Variants in RYR2 observed in about 807,000 individuals in gnomAD.
The protein encoded by RYR2 is ryanodine receptor 2, also known as cardiac muscle ryanodine receptor-calcium release channel.
RYR2 carries 227 observed loss-of-function variants against 601.1 expected under a neutral mutation model. The observed-to-expected ratio is 0.38, with a 90% CI of 0.34 to 0.42. The LOEUF is 0.42. RYR2 is among the 10% of genes least tolerant of loss of function. The pLI, the probability that RYR2 is intolerant of heterozygous loss-of-function variation, is 1.00. For missense variants in RYR2, 4,646 were observed against 6,156.5 expected, an observed-to-expected ratio of 0.75 and a Z score of 8.21; for synonymous variants, 2,223 against 2,175.1, an observed-to-expected ratio of 1.02 and a Z score of -0.61.
At chr1:237,742,250 T>A in intron 79 of RYR2, 46 bp from the exon 80 acceptor site, 1 of 1,308,528 alleles carries the variant, frequency 7.6e-7, no homozygotes, top group Non-Finnish European at 1.1e-6. Flanking sequence ...CTTTCTAAAA[T>A]CTCAACATAT....
intron 1 of RYR2, among the ~76,000 whole-genome samples, chr1:237,063,597 CA>C (rs1407159837): frequency 2.7e-3 from 399 of 147,674 alleles, no homozygotes; most frequent in African/African-American, 8.8e-3. Flanking sequence ...CACACACACA[CA>C]TACACACTCT....
At chr1:237,514,479 G>A (rs1466120780) in intron 24 of RYR2, among the ~76,000 whole-genome samples, 1 of 152,050 alleles carries the variant, frequency 6.6e-6, no homozygotes, top group African/African-American at 2.4e-5. Flanking sequence ...TTTTCTTATA[G>A]CTAGTTTATA....
chr1:237,503,226 G>A (rs554629227), intron 21 of RYR2, 63 bp from the exon 22 acceptor site: 1 of 1,429,632 alleles, frequency 7.0e-7, no homozygotes, highest in Non-Finnish European at 9.6e-7. Flanking sequence ...CTAAGATTTT[G>A]TGAATTAGAA....
intron 24 of RYR2, among the ~76,000 whole-genome samples, chr1:237,523,645 G>A (rs1667301694): frequency 6.6e-6 from 1 of 151,980 alleles, no homozygotes; most frequent in African/African-American, 2.4e-5. Flanking sequence ...ACTGAGGCAG[G>A]AGAATTGCTT....
chr1:237,778,699 C>T lies in RYR2; in HGVS notation c.11809C>T (p.His3937Tyr). The T allele has an allele frequency of 6.2e-7, 1 of 1,610,426 alleles. No homozygotes were observed. Among genetic ancestry groups the T allele is most frequent in the Admixed American group, 1.7e-5 (1 of 59,952 alleles). The change falls in exon 88 of 105, where the codon CAC (histidine) becomes TAC (tyrosine). Residue 3937 changes from histidine (H) to tyrosine (Y), a missense_variant. Physicochemically the swap from His to Tyr is moderately conservative, Grantham distance 83 (BLOSUM62 2). Coordinates refer to ENST00000366574, the MANE Select transcript of RYR2 (RefSeq NM_001035.3). ...PCTGNQQSLA[H>Y]SRLWDAVVGF... is the part of the protein sequence containing the mutation. ...CACTGGGAATCAACAGAGTTTGGCA[C>T]ACAGCAGGCTGTGGGATGCTGTGGT...
intron 1 of RYR2, among the ~76,000 whole-genome samples, chr1:237,113,898 A>G (rs1669771295): frequency 6.6e-6 from 1 of 152,210 alleles, no homozygotes. Context: ...GAAGTGAAGG[A>G]AATGAAGAAC....
chr1:237,742,164 C>A, intron 79 of RYR2, 132 bp from the exon 80 acceptor site: 1 of 656,742 alleles, frequency 1.5e-6, no homozygotes, highest in African/African-American at 1.8e-5. Flanking sequence ...AGCATTCTAT[C>A]TTACATGTGT....
intron 26 of RYR2, 131 bp from the exon 27 acceptor site, chr1:237,550,413 T>G (rs1330533223): frequency 1.0e-6 from 1 of 968,326 alleles, no homozygotes; most frequent in Non-Finnish European, 1.5e-6. Context: ...CTTTGCAGCC[T>G]GGGAAGACGC....
At chr1:237,311,125 A>G (rs12071287) in intron 2 of RYR2, among the ~76,000 whole-genome samples, 2,127 of 152,308 alleles carry the variant, frequency 0.014, 51 homozygotes, top group African/African-American at 0.048. Context: ...TTCTATCTGA[A>G]TTCACTCAAA....
chr1:237,801,950 A>G, intron 98 of RYR2, 34 bp downstream of exon 98: 3 of 1,349,494 alleles, frequency 2.2e-6, no homozygotes, highest in South Asian at 1.2e-5. Context: ...AAGAAAATGC[A>G]CTCTGATTAG....
chr1:237,571,928 G>A (rs868018745), intron 29 of RYR2, among the ~76,000 whole-genome samples: 1 of 152,078 alleles, frequency 6.6e-6, no homozygotes, highest in Non-Finnish European at 1.5e-5. Flanking sequence ...ATCCCCTCAA[G>A]CATTAATCCT....
intron 67 of RYR2, among the ~76,000 whole-genome samples, chr1:237,706,553 C>T (rs1166066103): frequency 6.6e-6 from 1 of 152,098 alleles, no homozygotes; most frequent in African/African-American, 2.4e-5. Flanking sequence ...GCTGAAAATA[C>T]AGGTCTGAGC....
intron 1 of RYR2, among the ~76,000 whole-genome samples, chr1:237,209,434 A>ATATATATATATAAGGC (rs1682311661): frequency 6.6e-6 from 1 of 151,482 alleles, no homozygotes. Flanking sequence ...TATATGTCTT[A>ATATATATATATAAGGC]TTTACATATA....
Position 237,417,124 on chromosome 1 carries a change from G to A in RYR2, c.848+1G>A, listed in dbSNP as rs772984053. ...GGAGACTAGAGACGCTAAGAGTTGC[G>A]TAAGTAGAACTTCTAAACACAGCCT... On this transcript the variant is annotated splice_donor_variant, in intron 11 of 104. Coordinates refer to ENST00000366574, the MANE Select transcript of RYR2 (RefSeq NM_001035.3). LOFTEE classifies it high-confidence loss of function. 5.6e-6 allele frequency: 9 copies of A among 1,611,292 alleles called. No homozygotes were observed. The highest frequency in any genetic ancestry group is 2.2e-5 in the South Asian group (2 of 91,022).
intron 29 of RYR2, among the ~76,000 whole-genome samples, chr1:237,572,732 C>A (rs1672829211): frequency 6.6e-6 from 1 of 152,120 alleles, no homozygotes; most frequent in Admixed American, 6.6e-5. Flanking sequence ...TAGCAATAAT[C>A]ATTAAGTAGT....
At chr1:237,460,914 T>A (rs1376191120) in intron 16 of RYR2, among the ~76,000 whole-genome samples, 1 of 152,216 alleles carries the variant, frequency 6.6e-6, no homozygotes, top group Non-Finnish European at 1.5e-5. Context: ...TTCTTTTGGA[T>A]GTTTGTTATC....
At chr1:237,431,127 T>G (rs572792378) in intron 12 of RYR2, among the ~76,000 whole-genome samples, 2 of 152,312 alleles carry the variant, frequency 1.3e-5, no homozygotes, top group East Asian at 3.9e-4. Flanking sequence ...ACAGGTAATT[T>G]CATATGATGA....
At position 237,610,137 on chromosome 1, in the gene RYR2, A is replaced by C. The variant is rs1032104931; in HGVS notation, c.4684-625A>C. Among the ~76,000 whole-genome samples the C allele has an allele frequency of 6.6e-6, 1 of 152,218 alleles. No individual in the cohort carries two copies. The highest frequency in any genetic ancestry group is 1.5e-5 in the Non-Finnish European group (1 of 68,050). Reference sequence around the variant, plus strand: ...TAGATAAATGAAGAAACTTTTGGCAAAGCAGAGACCTCTCTTTCTTTGACA... The same window carrying C: ...TAGATAAATGAAGAAACTTTTGGCACAGCAGAGACCTCTCTTTCTTTGACA... On this transcript the variant is annotated intron_variant, in intron 35 of 104. Transcript: ENST00000366574. This position sits in a 1 kb window ranked among gnomAD's most constrained non-coding sequence, Gnocchi z 4.9.
chr1:237,503,640 A>T, intron 22 of RYR2, 135 bp downstream of exon 22: 1 of 729,252 alleles, frequency 1.4e-6, no homozygotes, highest in Non-Finnish European at 2.3e-6. Context: ...TAGGACTGAA[A>T]TGAGTCTCAT....
Sources: gnomAD v4.1 joint callset for allele counts (sites outside exome capture counted in the v4.1 genomes callset) on GRCh38, gnomAD v4.1.1 for gene constraint, Gnocchi (gnomAD v3.1) non-coding constraint, MANE v1.5 for transcripts, NCBI Gene and HGNC (gene_info 2026-07-23, HGNC 2026-07-21) for gene names.